The following MAN2A2 variants were observed in gnomAD, a reference collection of about 807,000 sequenced individuals.
MAN2A2 encodes the protein mannosidase alpha class 2A member 2.
In MAN2A2, 79 loss-of-function variants were observed where a neutral mutation model predicts 126.8. The ratio of observed to expected loss-of-function variants is 0.62; its 90% CI spans 0.52 to 0.75. The LOEUF is 0.75. Ranked by LOEUF, MAN2A2 falls within the 30% of genes least tolerant of loss-of-function variation. The pLI is 0.00. For synonymous variants in MAN2A2, 671 were observed against 618.7 expected, an observed-to-expected ratio of 1.08 and a Z score of -1.25; for missense variants, 1,392 against 1,522.4, an observed-to-expected ratio of 0.91 and a Z score of 1.43.
At chr15:90,906,562 G>A in intron 6 of MAN2A2, 65 bp downstream of exon 6, 18 of 1,612,172 alleles carry the variant, frequency 1.1e-5, no homozygotes, top group Non-Finnish European at 1.5e-5. Context: ...GGGGCTGTAA[G>A]GCACAGGGAT....
At chr15:90,907,568 G>A (rs2034399556) in intron 8 of MAN2A2, 73 bp downstream of exon 8, 1 of 1,458,858 alleles carries the variant, frequency 6.9e-7, no homozygotes, top group South Asian at 1.2e-5. Context: ...GTGCCACGTG[G>A]AGGGTGGGCT....
chr15:90,911,032 G>C, intron 12 of MAN2A2, 71 bp downstream of exon 12: 1 of 1,495,560 alleles, frequency 6.7e-7, no homozygotes, highest in East Asian at 2.3e-5. Flanking sequence ...CTGCTGGATG[G>C]GGGTGCCGCT....
At chr15:90,906,937 G>T (rs1057219799) in intron 7 of MAN2A2, 24 bp downstream of exon 7, 2 of 1,611,790 alleles carry the variant, frequency 1.2e-6, no homozygotes, top group Non-Finnish European at 1.7e-6. Flanking sequence ...GGGTAGAGGG[G>T]GTTACTGCAG....
intron 20 of MAN2A2, chr15:90,916,690 A>G: frequency 7.8e-7 from 1 of 1,287,564 alleles, no homozygotes; most frequent in Non-Finnish European, 1.0e-6. Flanking sequence ...GCGGGGAACT[A>G]GTACGAGCAA....
At position 90,903,350 on chromosome 15, in the gene MAN2A2, C is replaced by A. The variant is rs2151285214; in HGVS notation, c.-101C>A. 6.5e-6 allele frequency: 1 copy of A among 152,792 alleles called. No individual in the cohort carries two copies. Among genetic ancestry groups the A allele is most frequent in the Non-Finnish European group, 1.5e-5 (1 of 68,370 alleles). The allele number at this position is 152,792 out of a possible 1,614,324, so 9.5% of individuals were successfully genotyped here. ...CGCAGAGGCGACAAAGCTCCTCGGCCCCAGGGCCCGCGGAGCAGACTCCGG... is the reference window on the plus strand; with the variant it reads ...CGCAGAGGCGACAAAGCTCCTCGGCACCAGGGCCCGCGGAGCAGACTCCGG... On this transcript the variant is annotated 5_prime_UTR_variant, in exon 1 of 23. Coordinates refer to ENST00000559717, the MANE Select transcript of MAN2A2 (RefSeq NM_006122.4).
chr15:90,908,018 TAAG>T lies in MAN2A2; in HGVS notation c.1196+526_1196+528del, dbSNP rs578061104. On this transcript the variant is annotated intron_variant, in intron 8 of 22. Transcript: ENST00000559717. ...CCAAACAGCAATTTAGTCAGAACCTTAAGAATACGACAAGTTGGATTGGTTTTT... is the reference window on the plus strand; with the variant it reads ...CCAAACAGCAATTTAGTCAGAACCTTAATACGACAAGTTGGATTGGTTTTT... Among the ~76,000 whole-genome samples the T allele has an allele frequency of 3.3e-5, 5 of 152,322 alleles. No individual in the cohort carries two copies. The South Asian group carries it at 8.3e-4, about 25-fold the overall frequency.
In MAN2A2 at chr15:90,922,568, T is replaced by C. The variant is rs1159834126; in HGVS notation, c.*2781T>C. On this transcript the variant is annotated 3_prime_UTR_variant, in exon 23 of 23. Coordinates refer to ENST00000559717, the MANE Select transcript of MAN2A2 (RefSeq NM_006122.4). ...TAGAAAATGAGCAGAATAAAGGATATTATCTTTGGAAGTCTTAGATGTGCA... is the reference window on the plus strand; with the variant it reads ...TAGAAAATGAGCAGAATAAAGGATACTATCTTTGGAAGTCTTAGATGTGCA... 6.6e-6 allele frequency: 1 copy of C among 152,160 alleles called. No individual in the cohort carries two copies. The highest frequency in any genetic ancestry group is 1.5e-5 in the Non-Finnish European group (1 of 68,028). The allele number at this position is 152,160 out of a possible 1,614,324, so 9.4% of individuals were successfully genotyped here. A position where few individuals can be genotyped will look rare whatever the true frequency, so the allele number is the denominator to read the frequency against.
chr15:90,905,170 G>C, intron 2 of MAN2A2, 81 bp from the exon 3 acceptor site: 1 of 1,484,956 alleles, frequency 6.7e-7, no homozygotes, highest in East Asian at 2.3e-5. Flanking sequence ...TTGTACTCAG[G>C]CCTCAGCTGG....
In MAN2A2 at chr15:90,920,716, C is replaced by T. The variant is rs981739001; in HGVS notation, c.*929C>T. The T allele has an allele frequency of 2.0e-5, 3 of 152,246 alleles. No individual in the cohort carries two copies. The highest frequency in any genetic ancestry group is 7.2e-5 in the African/African-American group (3 of 41,462). The allele number at this position is 152,246 out of a possible 1,614,324, so 9.4% of individuals were successfully genotyped here. A position where few individuals can be genotyped will look rare whatever the true frequency, so the allele number is the denominator to read the frequency against. ...TGCTTGGGCAGCTTGAGAAGGCGTTCAGCACCACGCCTAGCAGGCAGACCT... is the reference window on the plus strand; with the variant it reads ...TGCTTGGGCAGCTTGAGAAGGCGTTTAGCACCACGCCTAGCAGGCAGACCT... On this transcript the variant is annotated 3_prime_UTR_variant, in exon 23 of 23. Transcript: ENST00000559717.
At chr15:90,908,630 C>T (rs146428990) in intron 8 of MAN2A2, among the ~76,000 whole-genome samples, 1,813 of 149,616 alleles carry the variant, frequency 0.012, 46 homozygotes, top group African/African-American at 0.043. Context: ...GGCTGGAGTG[C>T]GGTGGTGCAA....
chr15:90,907,054 T>C, intron 7 of MAN2A2, 141 bp downstream of exon 7: 1 of 1,125,378 alleles, frequency 8.9e-7, no homozygotes. Flanking sequence ...GGTCGCACCC[T>C]CTGGTTAGGG....
At chr15:90,907,159 C>A in intron 7 of MAN2A2, 150 bp from the exon 8 acceptor site, 1 of 884,822 alleles carries the variant, frequency 1.1e-6, no homozygotes. Context: ...CCCCTCATGT[C>A]TTTCTCCCTG....
chr15:90,906,526 G>T (rs1194670195), intron 6 of MAN2A2, 29 bp downstream of exon 6: 1 of 1,613,890 alleles, frequency 6.2e-7, no homozygotes, highest in African/African-American at 1.3e-5. Context: ...ATGGGGGTCT[G>T]CCCCCTGGGC....
chr15:90,910,822 C>T, intron 11 of MAN2A2, 25 bp from the exon 12 acceptor site: 2 of 1,607,774 alleles, frequency 1.2e-6, no homozygotes, highest in Non-Finnish European at 1.7e-6. Context: ...ATCTTCTCTC[C>T]TTCCCTCTCC....
chr15:90,907,513 T>G lies in MAN2A2; in HGVS notation c.1196+18T>G. ...GCAGAGAGGTATCTGCTTCCAGCCC[T>G]TTCACTTCACAGAGGAATCGGGAGG... On this transcript the variant is annotated intron_variant, in intron 8 of 22. Coordinates refer to ENST00000559717, the MANE Select transcript of MAN2A2 (RefSeq NM_006122.4). 2 of 1,602,388 alleles carry G rather than the reference T, an allele frequency of 1.2e-6. No homozygotes were observed. Among genetic ancestry groups the G allele is most frequent in the Non-Finnish European group, 1.7e-6 (2 of 1,176,510 alleles).
chr15:90,913,852 T>G, intron 19 of MAN2A2, 97 bp downstream of exon 19: 2 of 1,415,880 alleles, frequency 1.4e-6, no homozygotes, highest in Non-Finnish European at 1.9e-6. Flanking sequence ...CCCTTGCCTC[T>G]TTCTGGACTG....
In MAN2A2 at chr15:90,906,897, G is replaced by T. The variant is rs745425740; in HGVS notation, c.993G>T (p.Met331Ile). 6.2e-7 allele frequency: 1 copy of T among 1,614,028 alleles called. No individual in the cohort carries two copies. The highest frequency in any genetic ancestry group is 1.1e-5 in the South Asian group (1 of 91,092). ...CTGCCACCCACAGCCTAGAGTTCAT[G>T]TGGAGGCAGACATGGGGTAAGGCCG... The part of the protein sequence containing the change: ...HFAATHSLEF[M>I]WRQTWDSDSS... The change falls in exon 7 of 23, where the codon ATG becomes ATT. Residue 331 changes from methionine to isoleucine, a missense_variant. By Grantham distance (10) the Met-to-Ile change is conservative (BLOSUM62 1). Transcript: ENST00000559717.
chr15:90,907,668 C>T, intron 8 of MAN2A2, 173 bp downstream of exon 8: 1 of 629,216 alleles, frequency 1.6e-6, no homozygotes, highest in Non-Finnish European at 2.7e-6. Flanking sequence ...AACCACCTTT[C>T]ACAGAATGCT....
At chr15:90,916,987 G>A (rs1195442960) in intron 20 of MAN2A2, among the ~76,000 whole-genome samples, 4 of 152,182 alleles carry the variant, frequency 2.6e-5, no homozygotes, top group African/African-American at 9.7e-5. Context: ...TTTGATGAAT[G>A]GGGTGTGATT....
Sources: allele counts gnomAD v4.1 joint callset (sites outside exome capture counted in the v4.1 genomes callset), GRCh38; gene constraint gnomAD v4.1.1; transcripts MANE v1.5; gene names NCBI Gene and HGNC (gene_info 2026-07-23, HGNC 2026-07-21).